SHOC2: variants seen among roughly 807,000 people sequenced by gnomAD.
SHOC2 encodes the protein leucine-rich repeat protein SHOC-2.
A neutral mutation model predicts 50.2 loss-of-function variants in SHOC2; 4 were observed. The ratio of observed to expected loss-of-function variants is 0.08; its 90% CI spans 0.04 to 0.18. The LOEUF (loss-of-function observed/expected upper bound fraction) is 0.18. Ranked by LOEUF, SHOC2 falls within the 10% of genes least tolerant of loss-of-function variation. SHOC2 has a pLI of 1.00. For synonymous variants in SHOC2, 218 were observed against 244.5 expected (o/e 0.89, Z 1.01); for missense variants, 388 against 669.6 (o/e 0.58, Z 4.64).
chr10:110,961,211 A>G (rs891751122), intron 1 of SHOC2, among the ~76,000 whole-genome samples: 3 of 152,186 alleles, frequency 2.0e-5, no homozygotes, highest in Non-Finnish European at 4.4e-5. Flanking sequence ...TGTGTATTCT[A>G]TTACCTAAAT....
chr10:110,920,356 C>A (rs1204324397), intron 1 of SHOC2, among the ~76,000 whole-genome samples: 1 of 152,106 alleles, frequency 6.6e-6, no homozygotes, highest in Admixed American at 6.5e-5. Context: ...GAAAAGTAGT[C>A]TCACTCTTCC....
chr10:110,978,832 A>G (rs1206778504), intron 2 of SHOC2, among the ~76,000 whole-genome samples: 1 of 152,232 alleles, frequency 6.6e-6, no homozygotes, highest in African/African-American at 2.4e-5. Flanking sequence ...CTTCTTAGGC[A>G]GTAGGACTCT....
At chr10:110,930,733 A>ATATTTTTTT (rs376876822) in intron 1 of SHOC2, among the ~76,000 whole-genome samples, 5 of 33,774 alleles carry the variant, frequency 1.5e-4, no homozygotes, top group East Asian at 3.8e-3. Flanking sequence ...TCACGAGTAA[A>ATATTTTTTT]TCTTTTTTTT....
intron 1 of SHOC2, among the ~76,000 whole-genome samples, chr10:110,950,563 A>G (rs1002918712): frequency 1.2e-4 from 19 of 152,340 alleles, no homozygotes; most frequent in African/African-American, 3.6e-4. Flanking sequence ...CCAAGCAGCC[A>G]TAGCAAGAAC....
intron 1 of SHOC2, among the ~76,000 whole-genome samples, chr10:110,935,945 C>A (rs961143932): frequency 5.3e-5 from 8 of 151,966 alleles, no homozygotes; most frequent in Non-Finnish European, 8.8e-5. Flanking sequence ...TTGTTATTTT[C>A]GATAGTTTTT....
chr10:110,954,066 C>G (rs1239752242), intron 1 of SHOC2, among the ~76,000 whole-genome samples: 1 of 151,286 alleles, frequency 6.6e-6, no homozygotes, highest in Non-Finnish European at 1.5e-5. Flanking sequence ...GGAAAAGCTA[C>G]TGTTTGCCTC....
At position 110,983,234 on chromosome 10, in the gene SHOC2, C is replaced by A. The variant is rs544506976; in HGVS notation, c.704-2394C>A. On this transcript the variant is annotated intron_variant, in intron 2 of 8. Transcript: ENST00000369452. ...TTCTCCCTTTTTTATCTTTGTAAGT[C>A]ATGGCAGAGGGCTATAAACATTGAT... 2.0e-5 allele frequency among the ~76,000 whole-genome samples: 3 copies of A among 152,036 alleles called. No individual in the cohort carries two copies. The South Asian group carries it at 6.2e-4, about 31-fold the overall frequency.
At position 111,000,465 on chromosome 10, in the gene SHOC2, G is replaced by A. The variant is rs1296115550; in HGVS notation, c.892G>A (p.Ala298Thr). 2 of 1,612,448 alleles carry A rather than the reference G, an allele frequency of 1.2e-6. No individual in the cohort carries two copies. Among genetic ancestry groups the A allele is most frequent in the Non-Finnish European group, 1.7e-6 (2 of 1,178,596 alleles). The change falls in exon 4 of 9, where the codon GCA (alanine) becomes ACA (threonine). Residue 298 changes from alanine (A) to threonine (T), a missense_variant. Physicochemically the swap from Ala to Thr is moderately conservative, Grantham distance 58. Around this residue, in one of 5 missense-constraint regions of SHOC2, gnomAD observed 48 missense variants for 151.6 expected, o/e 0.32. Coordinates refer to ENST00000369452, the MANE Select transcript of SHOC2 (RefSeq NM_007373.4). ...RLGLRYNRLS[A>T]IPRSLAKCSA... is the part of the protein sequence containing the mutation. ...TGGTCTGAGATATAACAGACTGTCA[G>A]CAATACCCAGATCATTAGCAAAATG...
At chr10:110,970,153 A>G (rs1437033171) in intron 2 of SHOC2, among the ~76,000 whole-genome samples, 1 of 152,162 alleles carries the variant, frequency 6.6e-6, no homozygotes, top group Non-Finnish European at 1.5e-5. Context: ...CCTCCTATCT[A>G]GCTGTAGTTT....
At chr10:110,952,463 T>A (rs1352975002) in intron 1 of SHOC2, among the ~76,000 whole-genome samples, 1 of 152,210 alleles carries the variant, frequency 6.6e-6, no homozygotes, top group East Asian at 1.9e-4. Context: ...CACTATAGTA[T>A]CATAGGGAAT....
chr10:111,007,229 A>G (rs985691261), intron 5 of SHOC2, among the ~76,000 whole-genome samples: 1 of 152,142 alleles, frequency 6.6e-6, no homozygotes, highest in Non-Finnish European at 1.5e-5. Context: ...TAAAAACATC[A>G]TATTTATCAT....
intron 1 of SHOC2, among the ~76,000 whole-genome samples, chr10:110,961,197 G>T (rs1053439163): frequency 6.6e-6 from 1 of 152,060 alleles, no homozygotes; most frequent in Non-Finnish European, 1.5e-5. Flanking sequence ...TTGAGACTGG[G>T]TACTGTGTAT....
chr10:110,946,686 C>T (rs1054232530), intron 1 of SHOC2, among the ~76,000 whole-genome samples: 2 of 151,848 alleles, frequency 1.3e-5, no homozygotes, highest in Non-Finnish European at 2.9e-5. Context: ...TGTAGATCTG[C>T]ATTCAAAGAA....
Position 110,997,539 on chromosome 10 carries a change from C to G in SHOC2, c.842-2876C>G, listed in dbSNP as rs534661951. Among the ~76,000 whole-genome samples the G allele has an allele frequency of 3.2e-3, 491 of 152,128 alleles. 26 individuals are homozygous for G. In the South Asian group the frequency reaches 0.093, roughly 29 times the overall value. ...ACAATTTTATCATGCTTTTTCCCCC[C>G]CAACTTAACATCATACCTGAAAGTC... is the stretch of plus-strand genomic sequence containing the variant. On this transcript the variant is annotated intron_variant, in intron 3 of 8. Transcript: ENST00000369452.
At chr10:110,930,626 G>A (rs1168845667) in intron 1 of SHOC2, among the ~76,000 whole-genome samples, 1 of 151,356 alleles carries the variant, frequency 6.6e-6, no homozygotes, top group Non-Finnish European at 1.5e-5. Flanking sequence ...TTGCCAGTTT[G>A]CATGGGAAAT....
intron 3 of SHOC2, 41 bp downstream of exon 3, chr10:110,985,806 T>TATC: frequency 1.3e-6 from 2 of 1,519,250 alleles, no homozygotes; most frequent in Non-Finnish European, 1.8e-6. Flanking sequence ...TGTTAATAGC[T>TATC]AACTGGATAT....
intron 1 of SHOC2, chr10:110,951,471 T>C (rs1847350004): frequency 6.6e-6 from 1 of 152,184 alleles, no homozygotes. Flanking sequence ...AAAAATAGTA[T>C]GGAGTTTCAT....
rs537520650 is a variant in SHOC2, at chr10:110,949,290, GATA to G, written c.-234-14830_-234-14828del. Among the ~76,000 whole-genome samples the G allele has an allele frequency of 6.1e-4, 93 of 152,172 alleles. 1 individual carries two copies. Among genetic ancestry groups the G allele is most frequent in the African/African-American group, 1.8e-3 (74 of 41,550 alleles). ...GCTGATACAACAGAAATACAAATGA[GATA>G]ATAAGAGACTACAATGAATAACTAT... On this transcript the variant is annotated intron_variant, in intron 1 of 8. Coordinates refer to ENST00000369452, the MANE Select transcript of SHOC2 (RefSeq NM_007373.4).
chr10:110,976,949 T>C (rs1408616899), intron 2 of SHOC2, among the ~76,000 whole-genome samples: 1 of 152,204 alleles, frequency 6.6e-6, no homozygotes, highest in African/African-American at 2.4e-5. Context: ...TGTGTCCATG[T>C]ATATTTTAGA....
Sources: gnomAD v4.1 joint callset for allele counts (sites outside exome capture counted in the v4.1 genomes callset) on GRCh38, gnomAD v4.1.1 for gene constraint, gnomAD v4.1.1 regional missense constraint, MANE v1.5 for transcripts, NCBI Gene and HGNC (gene_info 2026-07-23, HGNC 2026-07-21) for gene names.